The following CPNE4 variants were observed in gnomAD, a reference collection of about 807,000 sequenced individuals.
The protein encoded by CPNE4 is copine-4.
A neutral mutation model predicts 67.9 loss-of-function variants in CPNE4; 25 were observed. The observed-to-expected ratio is 0.37, with a 90% CI of 0.27 to 0.51. The LOEUF (loss-of-function observed/expected upper bound fraction) is 0.51. Ranked by LOEUF, CPNE4 falls within the 20% of genes least tolerant of loss-of-function variation. The pLI is 0.93. For synonymous variants in CPNE4, 242 were observed against 244.9 expected, an observed-to-expected ratio of 0.99 and a Z score of 0.11; for missense variants, 464 against 690.8, an observed-to-expected ratio of 0.67 and a Z score of 3.68.
intron 15 of CPNE4, 145 bp from the exon 16 acceptor site, chr3:131,535,474 A>G (rs1935086111): frequency 1.4e-6 from 1 of 723,316 alleles, no homozygotes; most frequent in African/African-American, 1.8e-5. Flanking sequence ...TTCAAGCAAT[A>G]GTTGTCAGAT....
intron 3 of CPNE4, among the ~76,000 whole-genome samples, chr3:131,712,110 A>T (rs1546312): frequency 0.17 from 26,374 of 151,714 alleles, 2,440 homozygotes; most frequent in African/African-American, 0.23. Context: ...GTTCTTCCAC[A>T]TTTGTTTAAA....
chr3:131,721,617 G>C lies in CPNE4; in HGVS notation c.360+1829C>G, dbSNP rs375906326. 3.4e-4 allele frequency among the ~76,000 whole-genome samples: 51 copies of C among 152,152 alleles called. 1 individual carries two copies. In the South Asian group the frequency reaches 0.01, roughly 31 times the overall value. On this transcript the variant is annotated intron_variant, in intron 3 of 15. Transcript: ENST00000429747. ...TCACCGTGTTATCCAGGATGGTCTC[G>C]ATCTCCTGGCCTCGTGATCTGCCCT...
intron 7 of CPNE4, among the ~76,000 whole-genome samples, chr3:131,615,891 T>TCTCACACACA (rs752305040): frequency 1.9e-5 from 2 of 107,762 alleles, no homozygotes; most frequent in African/African-American, 9.2e-5. Context: ...TCTCTCTCTC[T>TCTCACACACA]CACACACACA....
intron 2 of CPNE4, among the ~76,000 whole-genome samples, chr3:131,835,850 G>A (rs1027661336): frequency 4.6e-5 from 7 of 152,118 alleles, no homozygotes; most frequent in Non-Finnish European, 7.3e-5. Context: ...GAGTAGAGTG[G>A]AGCTCTGTAG....
intron 2 of CPNE4, among the ~76,000 whole-genome samples, chr3:131,795,385 T>C (rs2083892346): frequency 6.6e-6 from 1 of 152,086 alleles, no homozygotes; most frequent in Non-Finnish European, 1.5e-5. Flanking sequence ...CTCAGAGTAA[T>C]CTTGAAAATT....
At chr3:131,763,845 A>C (rs2082947462) in intron 2 of CPNE4, among the ~76,000 whole-genome samples, 1 of 152,188 alleles carries the variant, frequency 6.6e-6, no homozygotes, top group African/African-American at 2.4e-5. Flanking sequence ...AATTTTCTGT[A>C]ATATAAGGAA....
intron 7 of CPNE4, among the ~76,000 whole-genome samples, chr3:131,668,877 C>T (rs146362181): frequency 2.1e-3 from 321 of 152,218 alleles, no homozygotes; most frequent in Middle Eastern, 6.8e-3. Context: ...AGAAAGCCTT[C>T]GTGATAGATC....
At chr3:132,001,322 AG>A (rs2073424998) in intron 1 of CPNE4, among the ~76,000 whole-genome samples, 1 of 152,004 alleles carries the variant, frequency 6.6e-6, no homozygotes, top group Admixed American at 6.6e-5. Context: ...ACTTCCATGA[AG>A]GGGCAAAGAA....
At position 131,961,859 on chromosome 3, in the gene CPNE4, C is replaced by T. The variant is rs77160084; in HGVS notation, c.-1-56415G>A. Among the ~76,000 whole-genome samples the T allele has an allele frequency of 9.2e-3, 1,408 of 152,270 alleles. 7 individuals are homozygous for T. The highest frequency in any genetic ancestry group is 0.014 in the Non-Finnish European group (927 of 68,026). On this transcript the variant is annotated intron_variant, in intron 1 of 15. Transcript: ENST00000429747. ...AAAAAACAATTTTCTGTTTATCTCT[C>T]TCCCTTCTCCCTTTTCCCTACTCAG...
intron 14 of CPNE4, chr3:131,543,032 A>G: frequency 2.1e-6 from 1 of 471,176 alleles, no homozygotes; most frequent in Admixed American, 3.7e-5. Flanking sequence ...GACAGTTACA[A>G]AGAAAGAGCA....
At position 131,634,454 on chromosome 3, in the gene CPNE4, C is replaced by T. The variant is rs1056357337; in HGVS notation, c.681+35221G>A. On this transcript the variant is annotated intron_variant, in intron 7 of 15. Coordinates refer to ENST00000429747, the MANE Select transcript of CPNE4 (RefSeq NM_130808.3). ...AATCAAACTCATTTATCAACACAAT[C>T]CAATTCTGCAGAACATCAGCCAGCA... 1.3e-4 allele frequency among the ~76,000 whole-genome samples: 20 copies of T among 152,136 alleles called. 1 individual carries two copies. The highest frequency in any genetic ancestry group is 9.2e-4 in the Admixed American group (14 of 15,276).
intron 3 of CPNE4, among the ~76,000 whole-genome samples, chr3:131,720,083 G>A (rs928494060): frequency 3.3e-5 from 5 of 152,116 alleles, no homozygotes; most frequent in Non-Finnish European, 7.3e-5. Context: ...GTATTAAATA[G>A]GCAATCCACA....
At chr3:131,820,658 G>A (rs2084929109) in intron 2 of CPNE4, among the ~76,000 whole-genome samples, 1 of 152,186 alleles carries the variant, frequency 6.6e-6, no homozygotes, top group South Asian at 2.1e-4. Context: ...AAATCCCATT[G>A]TAATGCATAT....
intron 6 of CPNE4, among the ~76,000 whole-genome samples, chr3:131,685,602 T>C (rs58947208): frequency 0.02 from 3,008 of 152,118 alleles, 97 homozygotes; most frequent in African/African-American, 0.068. Context: ...GCCAAGATGG[T>C]GAAACCCCAT....
rs1553794943 is a variant in CPNE4, at chr3:131,876,653, A to AAAGAAAGAAAGAAAG, written c.180+28610_180+28611insCTTTCTTTCTTTCTT. ...CAAGACTCCGTCTCAAAAAAAAAAA[A>AAAGAAAGAAAGAAAG]AAAGAAAGAAAGAAAGAGACATTCT... On this transcript the variant is annotated intron_variant, in intron 2 of 15. Coordinates refer to ENST00000429747, the MANE Select transcript of CPNE4 (RefSeq NM_130808.3). 1.3e-3 allele frequency among the ~76,000 whole-genome samples: 178 copies of AAAGAAAGAAAGAAAG among 140,748 alleles called. 4 individuals carry two copies. The East Asian group carries it at 0.028, about 22-fold the overall frequency. 92.3% of individuals were successfully genotyped at this position (140,748 alleles called of 152,430 possible). A position where few individuals can be genotyped will look rare whatever the true frequency, so the allele number is the denominator to read the frequency against.
At chr3:131,598,074 G>T (rs1289337357) in intron 7 of CPNE4, among the ~76,000 whole-genome samples, 8 of 152,210 alleles carry the variant, frequency 5.3e-5, no homozygotes, top group Admixed American at 5.2e-4. Flanking sequence ...ATGCTTTAAT[G>T]GTTGTTGACA....
intron 1 of CPNE4, among the ~76,000 whole-genome samples, chr3:131,905,662 A>G (rs2088720737): frequency 6.6e-6 from 1 of 152,192 alleles, no homozygotes; most frequent in Admixed American, 6.5e-5. Flanking sequence ...CTTGGTTAAG[A>G]ACACTACTTT....
intron 7 of CPNE4, among the ~76,000 whole-genome samples, chr3:131,596,161 C>CAAATAAAT (rs140425214): frequency 2.0e-5 from 3 of 151,464 alleles, no homozygotes; most frequent in Admixed American, 6.6e-5. Flanking sequence ...AACAAACAAA[C>CAAATAAAT]AAATAAATAA....
At position 131,561,375 on chromosome 3, in the gene CPNE4, G is replaced by A. The variant is rs559160385; in HGVS notation, c.1061+2841C>T. 3.3e-5 allele frequency among the ~76,000 whole-genome samples: 5 copies of A among 152,062 alleles called. No individual in the cohort carries two copies. The East Asian group carries it at 9.8e-4, about 30-fold the overall frequency. On this transcript the variant is annotated intron_variant, in intron 11 of 15. Transcript: ENST00000429747. ...TGTGTGTGCGCACATACATGCGTGTGTGTTTTTGTGTGTGTGTACAAGTAG... is the reference window on the plus strand; with the variant it reads ...TGTGTGTGCGCACATACATGCGTGTATGTTTTTGTGTGTGTGTACAAGTAG...
Sources: gnomAD v4.1 joint callset for allele counts (sites outside exome capture counted in the v4.1 genomes callset) on GRCh38, gnomAD v4.1.1 for gene constraint, MANE v1.5 for transcripts, NCBI Gene and HGNC (gene_info 2026-07-23, HGNC 2026-07-21) for gene names.